ARHGEF7: variants seen among roughly 807,000 people sequenced by gnomAD.
ARHGEF7 encodes PAK-interacting exchange factor beta.
Under a neutral mutation model 109.8 loss-of-function variants are expected in ARHGEF7, and 33 were observed. The ratio of observed to expected loss-of-function variants is 0.30; its 90% CI spans 0.23 to 0.40. ARHGEF7 has a LOEUF of 0.40. ARHGEF7 is among the 10% of genes least tolerant of loss of function. ARHGEF7 has a pLI of 1.00. For synonymous variants in ARHGEF7, 458 were observed against 424.6 expected, an observed-to-expected ratio of 1.08 and a Z score of -0.97; for missense variants, 938 against 1,098.5, an observed-to-expected ratio of 0.85 and a Z score of 2.07.
Position 111,273,271 on chromosome 13 carries a change from C to G in ARHGEF7, c.1074-543C>G, listed in dbSNP as rs1026537090. On this transcript the variant is annotated intron_variant, in intron 9 of 21. Coordinates refer to ENST00000646102, the MANE Select transcript of ARHGEF7 (RefSeq NM_001354046.2). This position sits in a 1 kb window ranked among gnomAD's most constrained non-coding sequence, Gnocchi z 4.5. ...TCTGAAGCCTAAATCAGCGTTTGCT[C>G]TCTTCTCTTGCTGCTTCTCGTGCTC... is the stretch of plus-strand genomic sequence containing the variant. Among the ~76,000 whole-genome samples, 2 of 152,210 alleles carry G rather than the reference C, an allele frequency of 1.3e-5. No homozygotes were observed.
chr13:111,178,972 T>C (rs2078449215), intron 2 of ARHGEF7, among the ~76,000 whole-genome samples: 1 of 152,178 alleles, frequency 6.6e-6, no homozygotes, highest in African/African-American at 2.4e-5. Flanking sequence ...CCCCCCTTTT[T>C]TTTTGTTTTG....
chr13:111,261,670 T>G (rs1203981241), intron 8 of ARHGEF7, among the ~76,000 whole-genome samples: 1 of 152,244 alleles, frequency 6.6e-6, no homozygotes, highest in Non-Finnish European at 1.5e-5. Flanking sequence ...TCTTAGCACA[T>G]GGATCATTCT....
chr13:111,260,696 CAGA>C (rs886784625), intron 8 of ARHGEF7, among the ~76,000 whole-genome samples: 1 of 152,086 alleles, frequency 6.6e-6, no homozygotes, highest in African/African-American at 2.4e-5. Flanking sequence ...TAATAGTACT[CAGA>C]AGAATACAGA....
intron 3 of ARHGEF7, among the ~76,000 whole-genome samples, chr13:111,208,781 G>A (rs1179068138): frequency 6.6e-6 from 1 of 151,940 alleles, no homozygotes; most frequent in Non-Finnish European, 1.5e-5. Flanking sequence ...GGTGACCTGA[G>A]AAGAATTTAA....
intron 5 of ARHGEF7, among the ~76,000 whole-genome samples, chr13:111,222,774 A>AT (rs911940468): frequency 2.6e-5 from 4 of 152,174 alleles, no homozygotes; most frequent in African/African-American, 9.7e-5. Flanking sequence ...GTGAAACCAC[A>AT]TTTTTTACCG....
At chr13:111,294,003 AAAT>A in intron 19 of ARHGEF7, 1 of 985,398 alleles carries the variant, frequency 1.0e-6, no homozygotes. Flanking sequence ...TGTTAATTCC[AAAT>A]ATTTGTTCCC....
At chr13:111,216,024 T>C (rs1428466060) in intron 4 of ARHGEF7, among the ~76,000 whole-genome samples, 1 of 152,210 alleles carries the variant, frequency 6.6e-6, no homozygotes, top group East Asian at 1.9e-4. Context: ...TTAATAACTT[T>C]TTTGTCTTTA....
At chr13:111,202,586 A>G (rs888240146) in intron 2 of ARHGEF7, among the ~76,000 whole-genome samples, 3 of 152,222 alleles carry the variant, frequency 2.0e-5, no homozygotes, top group African/African-American at 7.2e-5. Flanking sequence ...ATGGTGGGGA[A>G]TGAATGAATC....
chr13:111,175,074 T>C lies in ARHGEF7; in HGVS notation c.252+21083T>C, dbSNP rs944626193. ...ATTAGATTGTAGCCTTTCCACAAGG[T>C]AGATCTGCCTTCTGGGAGTGGGACG... On this transcript the variant is annotated intron_variant, in intron 2 of 21. Coordinates refer to ENST00000646102, the MANE Select transcript of ARHGEF7 (RefSeq NM_001354046.2). 3.9e-5 allele frequency among the ~76,000 whole-genome samples: 6 copies of C among 152,228 alleles called. 1 individual carries two copies. Among genetic ancestry groups the C allele is most frequent in the Non-Finnish European group, 8.8e-5 (6 of 68,038 alleles).
chr13:111,149,167 TG>T (rs1312681013), intron 1 of ARHGEF7, among the ~76,000 whole-genome samples: 1 of 151,936 alleles, frequency 6.6e-6, no homozygotes, highest in Admixed American at 6.5e-5. Flanking sequence ...CCCAGCACTT[TG>T]GGAGTCTGAG....
chr13:111,132,008 A>G (rs966052905), intron 1 of ARHGEF7, among the ~76,000 whole-genome samples: 2 of 152,196 alleles, frequency 1.3e-5, no homozygotes, highest in Admixed American at 6.5e-5. Flanking sequence ...GGAGGGGTGC[A>G]TGCACCTGTA....
In ARHGEF7 at chr13:111,300,764, T is replaced by C; in HGVS notation, c.2328T>C (p.Ser776=). 1 of 1,611,106 alleles carries C rather than the reference T, an allele frequency of 6.2e-7. No individual in the cohort carries two copies. Among genetic ancestry groups the C allele is most frequent in the Non-Finnish European group, 8.5e-7 (1 of 1,178,394 alleles). ...MGSTSRSRKE[S]APQVLLPEEE... The stretch of plus-strand genomic sequence containing the variant: ...TGATCCTAGGTTCACGCAAAGAATC[T>C]GCTCCACAAGTTTTGCTTCCAGAAG... Residue 776 remains serine (S), a synonymous_variant, in exon 20 of 22, where the codon TCT becomes TCC. Coordinates refer to ENST00000646102, the MANE Select transcript of ARHGEF7 (RefSeq NM_001354046.2).
At chr13:111,170,995 CAAAT>C in intron 2 of ARHGEF7, among the ~76,000 whole-genome samples, 1 of 152,266 alleles carries the variant, frequency 6.6e-6, no homozygotes, top group Admixed American at 6.5e-5. Context: ...GCATGCATAC[CAAAT>C]ATCCATCATA....
chr13:111,176,477 A>G (rs1219377525), intron 2 of ARHGEF7, among the ~76,000 whole-genome samples: 1 of 151,986 alleles, frequency 6.6e-6, no homozygotes, highest in African/African-American at 2.4e-5. Context: ...CTTCCTCCCC[A>G]GTTTCTTCCT....
intron 8 of ARHGEF7, among the ~76,000 whole-genome samples, chr13:111,249,171 G>A (rs2089380689): frequency 6.6e-6 from 1 of 152,150 alleles, no homozygotes; most frequent in Admixed American, 6.5e-5. Flanking sequence ...ACCAAACCCT[G>A]TGGATTTTTG....
chr13:111,223,739 CATTGT>C, intron 5 of ARHGEF7, among the ~76,000 whole-genome samples: 1 of 152,234 alleles, frequency 6.6e-6, no homozygotes, highest in African/African-American at 2.4e-5. Flanking sequence ...GTGTCAAAAG[CATTGT>C]ATATTATTCC....
chr13:111,203,546 A>G (rs2081429059), intron 2 of ARHGEF7, among the ~76,000 whole-genome samples: 1 of 152,234 alleles, frequency 6.6e-6, no homozygotes, highest in African/African-American at 2.4e-5. Context: ...CGGTAAGCAC[A>G]TAGAATGCTT....
In ARHGEF7 at chr13:111,305,192, T is replaced by G. The variant is rs186878413; in HGVS notation, c.*2079T>G. On this transcript the variant is annotated 3_prime_UTR_variant, in exon 22 of 22. Transcript: ENST00000646102. The stretch of plus-strand genomic sequence containing the variant: ...GGCCTCATGTTACGGCATTGCCTTT[T>G]CTTTCTGTGGATCCAGTATCTTCCT... 1 of 152,368 alleles carries G rather than the reference T, an allele frequency of 6.6e-6. No homozygotes were observed. Among genetic ancestry groups the G allele is most frequent in the East Asian group, 1.9e-4 (1 of 5,184 alleles). The allele number at this position is 152,368 out of a possible 1,614,324, so 9.4% of individuals were successfully genotyped here.
rs145687455 is a variant in ARHGEF7 at position 111,152,638 on chromosome 13, C to T, written c.166-1267C>T. Reference sequence around the variant, plus strand: ...ATTCCTGAGTAGCCTGGTGAAATGTCGTGATTTTCTCCTACAGTACAGAAG... The same window carrying T: ...ATTCCTGAGTAGCCTGGTGAAATGTTGTGATTTTCTCCTACAGTACAGAAG... On this transcript the variant is annotated intron_variant, in intron 1 of 21. Transcript: ENST00000646102. 1.0e-3 allele frequency among the ~76,000 whole-genome samples: 157 copies of T among 152,216 alleles called. 2 individuals carry two copies. The East Asian group carries it at 0.018, about 17-fold the overall frequency.
Sources: allele counts gnomAD v4.1 joint callset (sites outside exome capture counted in the v4.1 genomes callset), GRCh38; gene constraint gnomAD v4.1.1; non-coding constraint Gnocchi (gnomAD v3.1); transcripts MANE v1.5; gene names NCBI Gene and HGNC (gene_info 2026-07-23, HGNC 2026-07-21).